Variants in SEMA6D observed in about 807,000 individuals in gnomAD.
SEMA6D encodes semaphorin 6D.
Under a neutral mutation model 106.6 loss-of-function variants are expected in SEMA6D, and 35 were observed. The observed-to-expected ratio is 0.33, with a 90% CI of 0.25 to 0.44. SEMA6D has a LOEUF of 0.44. Ranked by LOEUF, SEMA6D falls within the 20% of genes least tolerant of loss-of-function variation. The pLI is 1.00. For missense variants in SEMA6D, 1,185 were observed against 1,345.9 expected, an observed-to-expected ratio of 0.88 and a Z score of 1.87; for synonymous variants, 499 against 487.7, an observed-to-expected ratio of 1.02 and a Z score of -0.31.
chr15:47,426,002 A>G (rs1475948821), intron 2 of SEMA6D, among the ~76,000 whole-genome samples: 1 of 152,118 alleles, frequency 6.6e-6, no homozygotes, highest in Non-Finnish European at 1.5e-5. Flanking sequence ...AATTAGGGGA[A>G]ATAGCCTGTA....
intron 4 of SEMA6D, among the ~76,000 whole-genome samples, chr15:47,671,593 T>A (rs781596011): frequency 6.6e-6 from 1 of 152,050 alleles, no homozygotes; most frequent in Non-Finnish European, 1.5e-5. Flanking sequence ...TGATAAGGAA[T>A]CTGGACAATG....
At chr15:47,299,536 G>A (rs775281630) in intron 1 of SEMA6D, among the ~76,000 whole-genome samples, 4 of 152,210 alleles carry the variant, frequency 2.6e-5, no homozygotes, top group Non-Finnish European at 5.9e-5. Context: ...GGGACTGCAG[G>A]AGGGCTTTCA....
intron 3 of SEMA6D, among the ~76,000 whole-genome samples, chr15:47,516,755 G>A (rs766616506): frequency 4.6e-5 from 7 of 152,106 alleles, no homozygotes; most frequent in Non-Finnish European, 1.0e-4. Flanking sequence ...AAAGTGATGC[G>A]TATTGATGAG....
intron 1 of SEMA6D, among the ~76,000 whole-genome samples, chr15:47,267,370 C>A (rs1469100876): frequency 6.7e-6 from 1 of 150,142 alleles, no homozygotes; most frequent in Non-Finnish European, 1.5e-5. Flanking sequence ...TTTTCTTTAT[C>A]CTCAAAATTA....
At chr15:47,238,196 T>G (rs1442761185) in intron 1 of SEMA6D, among the ~76,000 whole-genome samples, 4 of 152,130 alleles carry the variant, frequency 2.6e-5, no homozygotes, top group Non-Finnish European at 5.9e-5. Context: ...AATGTTGAGT[T>G]TATTTTGCTT....
intron 1 of SEMA6D, among the ~76,000 whole-genome samples, chr15:47,408,660 G>T (rs571551880): frequency 2.0e-5 from 3 of 152,322 alleles, no homozygotes; most frequent in Admixed American, 6.5e-5. Flanking sequence ...TATTGGACAA[G>T]TAAAGTGTTA....
At chr15:47,212,090 G>A (rs2030076318) in intron 1 of SEMA6D, among the ~76,000 whole-genome samples, 1 of 152,180 alleles carries the variant, frequency 6.6e-6, no homozygotes, top group African/African-American at 2.4e-5. Flanking sequence ...CCACAAAAAT[G>A]TAAAAGGTAC....
chr15:47,459,465 T>C (rs1042993757), intron 2 of SEMA6D, among the ~76,000 whole-genome samples: 3 of 152,168 alleles, frequency 2.0e-5, no homozygotes, highest in Non-Finnish European at 1.5e-5. Flanking sequence ...GGCTTGATTA[T>C]TGAATGCAGG....
chr15:47,199,120 T>C lies in SEMA6D; in HGVS notation c.-239+14702T>C, dbSNP rs75506987. On this transcript the variant is annotated intron_variant, in intron 1 of 19. Coordinates refer to the SEMA6D transcript ENST00000558014. Reference sequence around the variant, plus strand: ...CTGTATGTAAGTCCACTTGTTTGTTTGTTTATCTGTTTTTATCTCATTATT... The same window carrying C: ...CTGTATGTAAGTCCACTTGTTTGTTCGTTTATCTGTTTTTATCTCATTATT... Among the ~76,000 whole-genome samples, 274 of 152,332 alleles carry C rather than the reference T, an allele frequency of 1.8e-3. 5 individuals carry two copies. In the East Asian group the frequency reaches 0.05, roughly 28 times the overall value.
chr15:47,188,977 C>T (rs1272470216), intron 1 of SEMA6D, among the ~76,000 whole-genome samples: 9 of 152,124 alleles, frequency 5.9e-5, no homozygotes, highest in Non-Finnish European at 1.5e-5. Context: ...ACTTTAATGA[C>T]ATTCAGTTTC....
At chr15:47,570,688 A>G (rs1596338054) in intron 3 of SEMA6D, among the ~76,000 whole-genome samples, 2 of 152,198 alleles carry the variant, frequency 1.3e-5, no homozygotes, top group East Asian at 1.9e-4. Context: ...TCTTCCCTCC[A>G]CTACCCGAGG....
chr15:47,440,370 T>A (rs1351726222), intron 2 of SEMA6D, among the ~76,000 whole-genome samples: 4 of 152,060 alleles, frequency 2.6e-5, no homozygotes, highest in African/African-American at 9.7e-5. Context: ...TGAGCTTGGC[T>A]GTGGTTATAT....
At chr15:47,226,071 G>T (rs530557249) in intron 1 of SEMA6D, among the ~76,000 whole-genome samples, 1 of 152,164 alleles carries the variant, frequency 6.6e-6, no homozygotes, top group Non-Finnish European at 1.5e-5. Flanking sequence ...CATTGGGATG[G>T]AGCCTAATCC....
intron 2 of SEMA6D, among the ~76,000 whole-genome samples, chr15:47,468,014 C>T (rs1451691904): frequency 2.0e-5 from 3 of 152,098 alleles, no homozygotes; most frequent in Admixed American, 2.0e-4. Flanking sequence ...CTTGGTGAAG[C>T]ATAGGCCAAT....
At chr15:47,701,407 A>G (rs1055633269) in intron 4 of SEMA6D, among the ~76,000 whole-genome samples, 2 of 152,170 alleles carry the variant, frequency 1.3e-5, no homozygotes, top group Admixed American at 6.5e-5. Context: ...ACAAAATTTC[A>G]GTTAGATAGG....
chr15:47,212,508 A>G (rs2030135776), intron 1 of SEMA6D, among the ~76,000 whole-genome samples: 1 of 152,200 alleles, frequency 6.6e-6, no homozygotes, highest in African/African-American at 2.4e-5. Context: ...AATGATTGCT[A>G]TTGTTAGGAT....
At chr15:47,744,502 CT>C in intron 1 of SEMA6D, among the ~76,000 whole-genome samples, 1 of 152,092 alleles carries the variant, frequency 6.6e-6, no homozygotes. Context: ...CACCTCACCC[CT>C]GGGTGAGGTG....
At chr15:47,530,115 T>C (rs558177152) in intron 3 of SEMA6D, among the ~76,000 whole-genome samples, 25 of 152,348 alleles carry the variant, frequency 1.6e-4, no homozygotes, top group African/African-American at 5.3e-4. Context: ...GCTTTTGGGC[T>C]GAGAAGATGC....
chr15:47,614,779 G>A (rs1302433692), intron 4 of SEMA6D, among the ~76,000 whole-genome samples: 1 of 152,178 alleles, frequency 6.6e-6, no homozygotes, highest in African/African-American at 2.4e-5. Flanking sequence ...TTCTGGGCTT[G>A]AATTTAGACT....
Sources: gnomAD v4.1 joint callset for allele counts (sites outside exome capture counted in the v4.1 genomes callset) on GRCh38, gnomAD v4.1.1 for gene constraint, MANE v1.5 for transcripts, NCBI Gene and HGNC (gene_info 2026-07-23, HGNC 2026-07-21) for gene names.